Variants in BCL2L13 observed in about 807,000 individuals in gnomAD.
BCL2L13 encodes the protein bcl-2-like protein 13.
A neutral mutation model predicts 25.8 loss-of-function variants in BCL2L13; 13 were observed. The ratio of observed to expected loss-of-function variants is 0.50; its 90% CI spans 0.33 to 0.80. The LOEUF (loss-of-function observed/expected upper bound fraction) is 0.80. Ranked by LOEUF, BCL2L13 falls within the 30% of genes least tolerant of loss-of-function variation. The pLI is 0.02. For synonymous variants in BCL2L13, 244 were observed against 230.3 expected, an observed-to-expected ratio of 1.06 and a Z score of -0.54; for missense variants, 504 against 574.9, an observed-to-expected ratio of 0.88 and a Z score of 1.26.
At chr22:17,656,382 A>T (rs1282544287) in intron 2 of BCL2L13, among the ~76,000 whole-genome samples, 1 of 93,198 alleles carries the variant, frequency 1.1e-5, no homozygotes. Context: ...ACAGAGTCTC[A>T]CTCTCTCTCT....
upstream of BCL2L13, among the ~76,000 whole-genome samples, chr22:17,636,946 A>T (rs1267007757): frequency 2.0e-5 from 3 of 152,190 alleles, no homozygotes; most frequent in African/African-American, 7.2e-5. Flanking sequence ...TTTTTAGGTA[A>T]AGTGTACATA....
chr22:17,680,695 G>A (rs2059725859), intron 2 of BCL2L13, among the ~76,000 whole-genome samples: 1 of 152,024 alleles, frequency 6.6e-6, no homozygotes, highest in South Asian at 2.1e-4. Context: ...CTACGTGTGT[G>A]GGGTGGAGTG....
upstream of BCL2L13, among the ~76,000 whole-genome samples, chr22:17,636,665 G>A (rs572190064): frequency 2.9e-3 from 441 of 152,064 alleles, 3 homozygotes; most frequent in African/African-American, 0.01. Flanking sequence ...GTGTGGTGGT[G>A]GGTGCCTGTA....
intron 4 of BCL2L13, 130 bp downstream of exon 4, chr22:17,689,272 C>T (rs1239178397): frequency 1.3e-6 from 1 of 781,220 alleles, no homozygotes; most frequent in Non-Finnish European, 1.9e-6. Flanking sequence ...TTTACATTTT[C>T]TTCATTTTCT....
chr22:17,690,561 C>A (rs552477124), intron 4 of BCL2L13, among the ~76,000 whole-genome samples: 12 of 152,100 alleles, frequency 7.9e-5, no homozygotes, highest in Admixed American at 3.9e-4. Flanking sequence ...GAGTTAAAGA[C>A]CAGCCTGGGC....
chr22:17,635,298 G>T (rs1568906904), upstream of BCL2L13, among the ~76,000 whole-genome samples: 1 of 152,092 alleles, frequency 6.6e-6, no homozygotes, highest in Non-Finnish European at 1.5e-5. Flanking sequence ...AGCACTTTGG[G>T]AGACTCAGGC....
chr22:17,633,819 G>C (rs5992774), upstream of BCL2L13, among the ~76,000 whole-genome samples: 4 of 151,972 alleles, frequency 2.6e-5, no homozygotes, highest in African/African-American at 9.7e-5. Context: ...TTAAAACCTA[G>C]ATGGCAGATG....
At chr22:17,637,760 T>G (rs902132440), upstream of BCL2L13, among the ~76,000 whole-genome samples, 2 of 152,120 alleles carry the variant, frequency 1.3e-5, no homozygotes, top group African/African-American at 4.8e-5. Context: ...CTTTCCTCAG[T>G]CACTCGGGCT....
intron 2 of BCL2L13, among the ~76,000 whole-genome samples, chr22:17,679,454 G>C (rs989618673): frequency 6.6e-6 from 1 of 151,740 alleles, no homozygotes; most frequent in Non-Finnish European, 1.5e-5. Flanking sequence ...ATTTTTAGTA[G>C]AGACGGGATT....
At chr22:17,703,584 T>C (rs2060504515) in intron 6 of BCL2L13, 1 of 152,214 alleles carries the variant, frequency 6.6e-6, no homozygotes, top group African/African-American at 2.4e-5. Context: ...TACTACTCAT[T>C]ATTGTTTTTT....
intron 1 of BCL2L13, among the ~76,000 whole-genome samples, chr22:17,631,243 C>T (rs563328621): frequency 6.6e-6 from 1 of 150,916 alleles, no homozygotes; most frequent in Non-Finnish European, 1.5e-5. Context: ...ATTACAAGCG[C>T]CCGCCACCAC....
Position 17,689,833 on chromosome 22 carries a change from A to G in BCL2L13, c.386+691A>G, listed in dbSNP as rs1601673920. On this transcript the variant is annotated intron_variant, in intron 4 of 6. Coordinates refer to ENST00000317582, the MANE Select transcript of BCL2L13 (RefSeq NM_015367.4). Reference sequence around the variant, plus strand: ...ACTGCAGCCTGGGTGACAGAGCGAGACTCCATCTCAAAAAAAAAAAAAAAA... The same window carrying G: ...ACTGCAGCCTGGGTGACAGAGCGAGGCTCCATCTCAAAAAAAAAAAAAAAA... 2.5e-5 allele frequency among the ~76,000 whole-genome samples: 3 copies of G among 118,164 alleles called. No homozygotes were observed. The Admixed American group carries it at 3.0e-4, about 12-fold the overall frequency. 77.5% of individuals were successfully genotyped at this position (118,164 alleles called of 152,430 possible).
intron 1 of BCL2L13, among the ~76,000 whole-genome samples, chr22:17,646,963 T>A (rs1368440845): frequency 0.011 from 1,018 of 88,618 alleles, 1 homozygote; most frequent in African/African-American, 0.028. Context: ...ATATTTTTTT[T>A]TTTTTTTTTT....
At chr22:17,685,479 C>T (rs961881736) in intron 3 of BCL2L13, among the ~76,000 whole-genome samples, 2 of 152,100 alleles carry the variant, frequency 1.3e-5, no homozygotes, top group African/African-American at 4.8e-5. Context: ...CTGTCTCGGC[C>T]TCCCAGAGTG....
rs769498498 is a variant in BCL2L13, at chr22:17,727,493, G to C, written c.1417G>C (p.Ala473Pro). 1 of 1,614,260 alleles carries C rather than the reference G, an allele frequency of 6.2e-7. No homozygotes were observed. Among genetic ancestry groups the C allele is most frequent in the Non-Finnish European group, 8.5e-7 (1 of 1,180,050 alleles). The change falls in exon 7 of 7, where the codon GCA becomes CCA. Residue 473 changes from alanine (A) to proline (P), a missense_variant. By Grantham distance (27) the Ala-to-Pro change is conservative. Coordinates refer to ENST00000317582, the MANE Select transcript of BCL2L13 (RefSeq NM_015367.4). ...AGGGGCTGCTGCTGTTGCCATCCTG[G>C]CAGTGGCCATCGGGGTAGCCCTGGC... Reference protein sequence around the residue: ...FGGAAAVAILAVAIGVALALR... With the variant: ...FGGAAAVAILPVAIGVALALR...
chr22:17,722,390 T>C (rs997366610), intron 6 of BCL2L13, among the ~76,000 whole-genome samples: 13 of 150,558 alleles, frequency 8.6e-5, no homozygotes, highest in East Asian at 3.9e-4. Flanking sequence ...TGTGTGTGTG[T>C]GTGTGTGTGT....
chr22:17,687,815 C>A (rs2059988992), intron 3 of BCL2L13, among the ~76,000 whole-genome samples: 2 of 100,626 alleles, frequency 2.0e-5, no homozygotes, highest in Non-Finnish European at 4.3e-5. Context: ...CCGCACCCGG[C>A]CCCTTTTTTT....
At chr22:17,705,267 CTG>C (rs1483538915) in intron 6 of BCL2L13, among the ~76,000 whole-genome samples, 1 of 151,270 alleles carries the variant, frequency 6.6e-6, no homozygotes, top group African/African-American at 2.4e-5. Flanking sequence ...GAGCGAAACT[CTG>C]TATCAAACAA....
chr22:17,668,598 C>T (rs977275695), intron 2 of BCL2L13, among the ~76,000 whole-genome samples: 6 of 151,960 alleles, frequency 3.9e-5, no homozygotes, highest in Non-Finnish European at 7.4e-5. Flanking sequence ...GGATTACAGG[C>T]ATGCACCACA....
Sources: allele counts gnomAD v4.1 joint callset (sites outside exome capture counted in the v4.1 genomes callset), GRCh38; gene constraint gnomAD v4.1.1; transcripts MANE v1.5; gene names NCBI Gene and HGNC (gene_info 2026-07-23, HGNC 2026-07-21).